FAM78B: variants seen among roughly 807,000 people sequenced by gnomAD.
FAM78B encodes family with sequence similarity 78 member B.
Under a neutral mutation model 20.0 loss-of-function variants are expected in FAM78B, and 10 were observed. The observed-to-expected ratio is 0.50, with a 90% CI of 0.31 to 0.85. The LOEUF is 0.85. FAM78B is among the 40% of genes least tolerant of loss of function. FAM78B has a pLI of 0.05. For missense variants in FAM78B, 283 were observed against 345.0 expected, an observed-to-expected ratio of 0.82 and a Z score of 1.42; for synonymous variants, 135 against 132.8, an observed-to-expected ratio of 1.02 and a Z score of -0.12.
At chr1:166,057,403 G>A (rs556214307), downstream of FAM78B, 1 of 152,276 alleles carries the variant, frequency 6.6e-6, no homozygotes, top group African/African-American at 2.4e-5. Flanking sequence ...CATCTTTGAG[G>A]ACAAAATTAA....
intron 1 of FAM78B, among the ~76,000 whole-genome samples, chr1:166,096,901 C>T (rs980633279): frequency 5.9e-5 from 9 of 152,272 alleles, no homozygotes; most frequent in East Asian, 1.9e-4. Flanking sequence ...CTGGACAGAG[C>T]AGCGGGCGGC....
chr1:166,138,301 T>C (rs1371671356), intron 1 of FAM78B, among the ~76,000 whole-genome samples: 3 of 152,058 alleles, frequency 2.0e-5, no homozygotes. Context: ...CATGACTCAC[T>C]CTCTCTGGTC....
chr1:166,110,148 A>G (rs1367392421), intron 1 of FAM78B, among the ~76,000 whole-genome samples: 5 of 151,512 alleles, frequency 3.3e-5, no homozygotes, highest in Non-Finnish European at 5.9e-5. Context: ...ATAGAAGACT[A>G]TAAATATGGT....
intron 1 of FAM78B, among the ~76,000 whole-genome samples, chr1:166,152,658 T>G (rs930156477): frequency 1.6e-5 from 2 of 125,710 alleles, no homozygotes; most frequent in Non-Finnish European, 3.3e-5. Context: ...TACTCTGGAT[T>G]TATTTATTTA....
chr1:166,084,237 A>ACACACTCT lies in FAM78B; in HGVS notation c.264-13475_264-13474insAGAGTGTG, dbSNP rs771421402. 7.5e-3 allele frequency among the ~76,000 whole-genome samples: 947 copies of ACACACTCT among 125,444 alleles called. 4 individuals carry two copies. The highest frequency in any genetic ancestry group is 0.011 in the South Asian group (42 of 3,826). 82.3% of individuals were successfully genotyped at this position (125,444 alleles called of 152,430 possible). ...CACACACACACACACACACACACAC[A>ACACACTCT]CTCTCTCTCTCTCTCTCTCTCTCTC... is the stretch of plus-strand genomic sequence containing the variant. On this transcript the variant is annotated intron_variant, in intron 1 of 1. Transcript: ENST00000354422.
At chr1:166,071,613 A>ACAAC (rs1411933530) in intron 1 of FAM78B, among the ~76,000 whole-genome samples, 2 of 152,282 alleles carry the variant, frequency 1.3e-5, no homozygotes, top group Non-Finnish European at 2.9e-5. Context: ...TTACTCTATT[A>ACAAC]CAACCATTGT....
Position 166,131,763 on chromosome 1 carries a change from A to G in FAM78B, c.263+34223T>C, listed in dbSNP as rs200606858. ...AAACATATTTTTACTATGTTTTATG[A>G]AAAAAAGTAAGGTTACGTGGCTATG... On this transcript the variant is annotated intron_variant, in intron 1 of 1. Coordinates refer to ENST00000354422, the MANE Select transcript of FAM78B (RefSeq NM_001017961.5). Among the ~76,000 whole-genome samples the G allele has an allele frequency of 9.8e-5, 15 of 152,308 alleles. No individual in the cohort carries two copies. The East Asian group carries it at 2.7e-3, about 27-fold the overall frequency.
intron 1 of FAM78B, among the ~76,000 whole-genome samples, chr1:166,159,547 T>C (rs1424750841): frequency 6.6e-6 from 1 of 152,102 alleles, no homozygotes; most frequent in Non-Finnish European, 1.5e-5. Context: ...ATCCTTAACC[T>C]GGAACATGAT....
intron 1 of FAM78B, among the ~76,000 whole-genome samples, chr1:166,137,086 G>A (rs982586424): frequency 2.0e-5 from 3 of 152,196 alleles, no homozygotes; most frequent in Non-Finnish European, 4.4e-5. Flanking sequence ...CCAGGATGAC[G>A]TGATGTAGAG....
intron 2 of FAM78B, among the ~76,000 whole-genome samples, chr1:166,061,967 T>A (rs1395822901): frequency 6.6e-6 from 1 of 152,236 alleles, no homozygotes; most frequent in Non-Finnish European, 1.5e-5. Flanking sequence ...CTTTATGTCA[T>A]CATTATTTCA....
At chr1:166,089,585 C>A (rs181549778) in intron 1 of FAM78B, among the ~76,000 whole-genome samples, 2 of 152,118 alleles carry the variant, frequency 1.3e-5, no homozygotes, top group African/African-American at 4.8e-5. Context: ...AGAGGGGCAG[C>A]CATGAAGCAT....
rs188968072 is a variant in FAM78B, at chr1:166,113,473, C to T, written c.264-42710G>A. Among the ~76,000 whole-genome samples the T allele has an allele frequency of 5.6e-4, 85 of 152,294 alleles. 1 individual carries two copies. In the South Asian group the frequency reaches 0.012, roughly 22 times the overall value. On this transcript the variant is annotated intron_variant, in intron 1 of 1. Transcript: ENST00000354422. ...CGTGTGAAAGCCTTACAAACATTAG[C>T]GACTAAGCATACAACTAAATTTATT...
At chr1:166,094,029 G>C (rs1016904456) in intron 1 of FAM78B, among the ~76,000 whole-genome samples, 2 of 151,082 alleles carry the variant, frequency 1.3e-5, no homozygotes, top group African/African-American at 4.9e-5. Flanking sequence ...GTGTGTGTGT[G>C]TGTGTGTGTG....
At position 166,070,078 on chromosome 1, in the gene FAM78B, T is replaced by C. The variant is rs1651958973; in HGVS notation, c.*163A>G. On this transcript the variant is annotated 3_prime_UTR_variant, in exon 2 of 2. Coordinates refer to ENST00000354422, the MANE Select transcript of FAM78B (RefSeq NM_001017961.5). The stretch of plus-strand genomic sequence containing the variant: ...GGATTTTTCCTAAGGATTATGGTTC[T>C]ACCACCCAAGGAGCAGCCCTACTCT... 7.6e-7 allele frequency: 1 copy of C among 1,310,298 alleles called. No individual in the cohort carries two copies. The highest frequency in any genetic ancestry group is 3.4e-5 in the Admixed American group (1 of 29,286). The allele number at this position is 1,310,298 out of a possible 1,614,324, so 81.2% of individuals were successfully genotyped here.
At chr1:166,144,567 A>T (rs938492435) in intron 1 of FAM78B, among the ~76,000 whole-genome samples, 1 of 152,080 alleles carries the variant, frequency 6.6e-6, no homozygotes, top group African/African-American at 2.4e-5. Context: ...CTCATGATGG[A>T]GCAGGAAGGA....
chr1:166,061,830 A>G (rs1299094655), intron 2 of FAM78B, among the ~76,000 whole-genome samples: 1 of 152,150 alleles, frequency 6.6e-6, no homozygotes, highest in East Asian at 1.9e-4. Context: ...GCAGGGATAG[A>G]GGGGAATGAG....
At chr1:166,136,661 A>G (rs545341827) in intron 1 of FAM78B, among the ~76,000 whole-genome samples, 1 of 152,344 alleles carries the variant, frequency 6.6e-6, no homozygotes, top group East Asian at 1.9e-4. Context: ...AAGAAAAAGC[A>G]ATGAACTCCT....
At chr1:166,099,334 C>A (rs188679234) in intron 1 of FAM78B, among the ~76,000 whole-genome samples, 1 of 152,238 alleles carries the variant, frequency 6.6e-6, no homozygotes, top group Non-Finnish European at 1.5e-5. Flanking sequence ...AACAAAAATA[C>A]AAGTTAAAAA....
chr1:166,150,863 T>A (rs1655646430), intron 1 of FAM78B, among the ~76,000 whole-genome samples: 1 of 152,212 alleles, frequency 6.6e-6, no homozygotes, highest in Middle Eastern at 3.4e-3. Context: ...TGAGGCAGGA[T>A]TACCTGAGCC....
Sources: allele counts gnomAD v4.1 joint callset (sites outside exome capture counted in the v4.1 genomes callset), GRCh38; gene constraint gnomAD v4.1.1; transcripts MANE v1.5; gene names NCBI Gene and HGNC (gene_info 2026-07-23, HGNC 2026-07-21).